The following SYN3 variants were observed in gnomAD, a reference collection of about 807,000 sequenced individuals.
SYN3 encodes the protein synapsin III, also known as synapsin-3.
A neutral mutation model predicts 65.8 loss-of-function variants in SYN3; 35 were observed. That is an observed-to-expected ratio of 0.53 (90% confidence interval 0.41 to 0.70). The LOEUF (loss-of-function observed/expected upper bound fraction) is 0.70, where lower values mean the gene tolerates loss of function less well. Among genes scored for constraint, SYN3 ranks in the 30% least tolerant of loss-of-function variants. The probability of loss-of-function intolerance (pLI) is 0.00; values close to 1 mark genes in which losing one functional copy is unlikely to be tolerated. For synonymous variants in SYN3, 270 were observed against 292.9 expected, an observed-to-expected ratio of 0.92 and a Z score of 0.80; for missense variants, 680 against 749.0, an observed-to-expected ratio of 0.91 and a Z score of 1.08.
At chr22:32,914,254 A>G (rs1319977007) in intron 4 of SYN3, among the ~76,000 whole-genome samples, 2 of 152,244 alleles carry the variant, frequency 1.3e-5, no homozygotes, top group African/African-American at 4.8e-5. Flanking sequence ...AGTCATAGTC[A>G]TACTCAATCA....
chr22:32,699,519 G>T (rs1194858576), intron 6 of SYN3, among the ~76,000 whole-genome samples: 7 of 152,110 alleles, frequency 4.6e-5, no homozygotes, highest in Admixed American at 4.6e-4. Flanking sequence ...GAGATTTAGG[G>T]TGGTGTGTGT....
intron 6 of SYN3, chr22:32,857,378 C>T: frequency 1.9e-6 from 3 of 1,596,072 alleles, no homozygotes; most frequent in Non-Finnish European, 1.7e-6. Context: ...CCAACTCTAG[C>T]TTCTAGGCCA....
chr22:32,922,558 G>T (rs1054371860), intron 4 of SYN3, among the ~76,000 whole-genome samples: 5 of 152,082 alleles, frequency 3.3e-5, no homozygotes, highest in African/African-American at 1.2e-4. Flanking sequence ...TCCGGATCCA[G>T]AGCCTTGAAT....
chr22:32,580,870 T>A (rs1395370412), intron 7 of SYN3, among the ~76,000 whole-genome samples: 1 of 152,184 alleles, frequency 6.6e-6, no homozygotes, highest in East Asian at 1.9e-4. Flanking sequence ...GATCATGGTC[T>A]AGCAGCATTG....
intron 6 of SYN3, among the ~76,000 whole-genome samples, chr22:32,659,660 A>T (rs887417005): frequency 1.3e-5 from 2 of 152,254 alleles, no homozygotes; most frequent in East Asian, 3.9e-4. Flanking sequence ...GGTGTTTCAG[A>T]TATTCTTAGT....
intron 6 of SYN3, among the ~76,000 whole-genome samples, chr22:32,599,686 CAT>C (rs1419633628): frequency 6.6e-6 from 1 of 152,180 alleles, no homozygotes; most frequent in African/African-American, 2.4e-5. Context: ...TTCTGGGAAT[CAT>C]ATGCATATCT....
intron 5 of SYN3, among the ~76,000 whole-genome samples, chr22:32,866,452 G>GT (rs2048691483): frequency 6.6e-6 from 1 of 152,190 alleles, no homozygotes; most frequent in Non-Finnish European, 1.5e-5. Context: ...GAAAGGGAGA[G>GT]TGATTCCGCA....
At chr22:33,003,989 A>G (rs1421512601) in intron 2 of SYN3, among the ~76,000 whole-genome samples, 1 of 152,236 alleles carries the variant, frequency 6.6e-6, no homozygotes, top group Non-Finnish European at 1.5e-5. Flanking sequence ...CTGTTGCTTC[A>G]GAGGGTGCAA....
intron 6 of SYN3, among the ~76,000 whole-genome samples, chr22:32,627,687 G>A (rs939421134): frequency 3.3e-5 from 5 of 151,864 alleles, no homozygotes; most frequent in Admixed American, 1.3e-4. Flanking sequence ...AGACATGCTC[G>A]GAAACTCCAA....
intron 7 of SYN3, among the ~76,000 whole-genome samples, chr22:32,592,440 T>C (rs1346204426): frequency 6.6e-6 from 1 of 152,156 alleles, no homozygotes; most frequent in African/African-American, 2.4e-5. Context: ...TGGCACAGAG[T>C]TTCACCATAT....
chr22:32,528,519 C>T (rs2058019178), intron 11 of SYN3, among the ~76,000 whole-genome samples: 1 of 152,184 alleles, frequency 6.6e-6, no homozygotes, highest in Admixed American at 6.5e-5. Context: ...GCTTGTGTGT[C>T]CATATGCTCT....
At chr22:32,623,279 T>C (rs1176459074) in intron 6 of SYN3, among the ~76,000 whole-genome samples, 2 of 152,132 alleles carry the variant, frequency 1.3e-5, no homozygotes, top group African/African-American at 2.4e-5. Flanking sequence ...CTTAAACTCC[T>C]GGGCTCAAGT....
intron 6 of SYN3, among the ~76,000 whole-genome samples, chr22:32,614,806 A>C (rs1479438136): frequency 6.6e-6 from 1 of 152,062 alleles, no homozygotes; most frequent in East Asian, 1.9e-4. Context: ...AAGCCTTAAA[A>C]CTCAAGAGCG....
At chr22:32,735,645 T>A (rs2061328872) in intron 6 of SYN3, among the ~76,000 whole-genome samples, 1 of 152,160 alleles carries the variant, frequency 6.6e-6, no homozygotes, top group Admixed American at 6.5e-5. Flanking sequence ...ACATGACAGA[T>A]CTTCAAGCAT....
intron 6 of SYN3, among the ~76,000 whole-genome samples, chr22:32,680,707 T>G (rs1349412414): frequency 6.6e-6 from 1 of 152,212 alleles, no homozygotes; most frequent in African/African-American, 2.4e-5. Context: ...TAAATTTCAG[T>G]GCCAAGCTAC....
chr22:33,044,504 G>A (rs148442940), intron 1 of SYN3, among the ~76,000 whole-genome samples: 108 of 152,062 alleles, frequency 7.1e-4, no homozygotes, highest in African/African-American at 2.4e-3. Context: ...AAACAGACAC[G>A]TGCTCTTTGA....
chr22:32,892,180 C>T (rs1376750507), intron 4 of SYN3, among the ~76,000 whole-genome samples: 1 of 152,044 alleles, frequency 6.6e-6, no homozygotes, highest in Non-Finnish European at 1.5e-5. Flanking sequence ...CCTGTAATCC[C>T]AGCTACTCAG....
intron 6 of SYN3, among the ~76,000 whole-genome samples, chr22:32,828,019 T>C (rs887286398): frequency 6.6e-6 from 1 of 152,172 alleles, no homozygotes; most frequent in African/African-American, 2.4e-5. Context: ...GCCATCATAT[T>C]GGGTATTTGT....
chr22:32,804,828 G>T (rs1347146438), intron 6 of SYN3, among the ~76,000 whole-genome samples: 1 of 152,206 alleles, frequency 6.6e-6, no homozygotes, highest in Admixed American at 6.5e-5. Context: ...TTGGCAGCAG[G>T]CAGGATGTCT....
Sources: allele counts gnomAD v4.1 joint callset (sites outside exome capture counted in the v4.1 genomes callset), GRCh38; gene constraint gnomAD v4.1.1; transcripts MANE v1.5; gene names NCBI Gene and HGNC (gene_info 2026-07-23, HGNC 2026-07-21).